Variants in DNPEP observed in about 807,000 individuals in gnomAD.
The protein encoded by DNPEP is aspartyl aminopeptidase.
A neutral mutation model predicts 59.1 loss-of-function variants in DNPEP; 46 were observed. That is an observed-to-expected ratio of 0.78 (90% CI 0.61 to 0.99). The LOEUF is 0.99. Among genes scored for constraint, DNPEP ranks in the 50% least tolerant of loss-of-function variants. The pLI, the probability that DNPEP is intolerant of heterozygous loss-of-function variation, is 0.00. For missense variants in DNPEP, 617 were observed against 649.9 expected (o/e 0.95, Z 0.55); for synonymous variants, 229 against 242.2 (o/e 0.95, Z 0.50).
intron 14 of DNPEP, 87 bp downstream of exon 14, chr2:219,374,768 T>C: frequency 6.8e-7 from 1 of 1,474,582 alleles, no homozygotes; most frequent in Non-Finnish European, 9.3e-7. Flanking sequence ...CCAGTCACTT[T>C]GTGATGGCGA....
chr2:219,387,265 C>T, intron 1 of DNPEP, 102 bp from the exon 2 acceptor site: 3 of 1,492,252 alleles, frequency 2.0e-6, no homozygotes, highest in Non-Finnish European at 2.7e-6. Flanking sequence ...AGTGACCACT[C>T]TAAGGCACAG....
rs555789796 is a variant in DNPEP at position 219,385,882 on chromosome 2, T to C, written c.590+86A>G. Reference sequence around the variant, plus strand: ...AATTAACTGGGTCCCAAGAGTAAAATGTGACCTAATGGCTACCATTAGGTA... The same window carrying C: ...AATTAACTGGGTCCCAAGAGTAAAACGTGACCTAATGGCTACCATTAGGTA... On this transcript the variant is annotated intron_variant, in intron 6 of 14. Transcript: ENST00000273075. 27 of 1,557,974 alleles carry C rather than the reference T, an allele frequency of 1.7e-5. No homozygotes were observed. The South Asian group carries it at 2.5e-4, about 14-fold the overall frequency.
chr2:219,384,104 C>G (rs549393948), intron 9 of DNPEP, among the ~76,000 whole-genome samples: 1 of 152,352 alleles, frequency 6.6e-6, no homozygotes, highest in South Asian at 2.1e-4. Flanking sequence ...AAGGCTAGGA[C>G]AAGAGACCAT....
At chr2:219,394,469 G>A (rs537585908) in intron 1 of DNPEP, among the ~76,000 whole-genome samples, 1 of 152,152 alleles carries the variant, frequency 6.6e-6, no homozygotes, top group South Asian at 2.1e-4. Context: ...TAGAGATGAG[G>A]TCTCACTTTG....
In DNPEP at chr2:219,374,888, G is replaced by A; in HGVS notation, c.1374C>T (p.Thr458=). ...GGGTGAGGGTCTGGAGGACTCCTGTGGTGCAGGCCATCTCCCGGATAGAGT... is the reference window on the plus strand; with the variant it reads ...GGGTGAGGGTCTGGAGGACTCCTGTAGTGCAGGCCATCTCCCGGATAGAGT... The part of the protein sequence containing the change: ...AMHSIREMAC[T]TGVLQTLTLF... The change falls in exon 14 of 15, where the codon ACC becomes ACT. Residue 458 remains threonine (T), a synonymous_variant. Coordinates refer to ENST00000273075, the MANE Select transcript of DNPEP (RefSeq NM_012100.4). 1 of 1,614,230 alleles carries A rather than the reference G, an allele frequency of 6.2e-7. No homozygotes were observed. The highest frequency in any genetic ancestry group is 1.1e-5 in the South Asian group (1 of 91,084).
In DNPEP at chr2:219,372,389, G is replaced by A. The variant is rs929876277; in HGVS notation, c.*1903C>T. Reference sequence around the variant, plus strand: ...TATATAATAATTTTTTTTTTGAGACGGAGTCTGGCTCTGTCGCCCAGGCTG... The same window carrying A: ...TATATAATAATTTTTTTTTTGAGACAGAGTCTGGCTCTGTCGCCCAGGCTG... On this transcript the variant is annotated 3_prime_UTR_variant, in exon 15 of 15. Coordinates refer to ENST00000273075, the MANE Select transcript of DNPEP (RefSeq NM_012100.4). Among the ~76,000 whole-genome samples the A allele has an allele frequency of 2.0e-5, 3 of 151,290 alleles. No individual in the cohort carries two copies. Among genetic ancestry groups the A allele is most frequent in the Non-Finnish European group, 4.4e-5 (3 of 67,898 alleles).
chr2:219,391,597 C>T (rs1167872454), upstream of DNPEP, among the ~76,000 whole-genome samples: 2 of 151,860 alleles, frequency 1.3e-5, no homozygotes, highest in African/African-American at 2.4e-5. Flanking sequence ...CTGTGTTTAA[C>T]AACAAGCTCA....
intron 10 of DNPEP, 123 bp downstream of exon 10, chr2:219,383,008 C>T (rs1047801089): frequency 4.2e-6 from 3 of 721,712 alleles, no homozygotes; most frequent in East Asian, 2.7e-5. Flanking sequence ...TAAGGAGGCA[C>T]AGGCAGCATC....
chr2:219,387,074 G>T lies in DNPEP; in HGVS notation c.126C>A (p.Phe42Leu). 1.2e-6 allele frequency: 2 copies of T among 1,604,408 alleles called. No homozygotes were observed. Among genetic ancestry groups the T allele is most frequent in the Non-Finnish European group, 1.7e-6 (2 of 1,174,892 alleles). Residue 42 changes from phenylalanine (F) to leucine (L), a missense_variant, in exon 2 of 15, where the codon TTC becomes TTA. Physicochemically the swap from Phe to Leu is conservative, Grantham distance 22. Transcript: ENST00000273075. ...LKFVNRSPSP[F>L]HAVAECRNRL... ...CTTGCCCTGGCCACCGCTTACCATG[G>T]AAAGGAGAGGGACTCCGGTTCACGA... is the stretch of plus-strand genomic sequence containing the variant.
chr2:219,393,490 G>C (rs1479150682), upstream of DNPEP: 1 of 152,254 alleles, frequency 6.6e-6, no homozygotes, highest in African/African-American at 2.4e-5. Context: ...ATGTTGGCCA[G>C]GCTGGTCTCG....
At chr2:219,393,990 C>T (rs140772961) in intron 1 of DNPEP, among the ~76,000 whole-genome samples, 4 of 152,130 alleles carry the variant, frequency 2.6e-5, no homozygotes, top group Non-Finnish European at 4.4e-5. Context: ...ACAGTTCTGG[C>T]GGGTCAAGCT....
intron 9 of DNPEP, 121 bp from the exon 10 acceptor site, chr2:219,383,335 C>G (rs1953678408): frequency 1.3e-6 from 1 of 764,354 alleles, no homozygotes; most frequent in African/African-American, 1.7e-5. Flanking sequence ...GCACATTCCC[C>G]TGTCTGCCTT....
chr2:219,374,432 C>T, intron 14 of DNPEP, 90 bp from the exon 15 acceptor site: 1 of 1,224,164 alleles, frequency 8.2e-7, no homozygotes. Flanking sequence ...TATGTTCCAG[C>T]AAGAGAAGCA....
At chr2:219,377,138 G>T (rs1020850778) in intron 13 of DNPEP, among the ~76,000 whole-genome samples, 4 of 151,752 alleles carry the variant, frequency 2.6e-5, no homozygotes, top group Non-Finnish European at 5.9e-5. Context: ...GCTGGGCATC[G>T]TGGTGCACAC....
intron 13 of DNPEP, among the ~76,000 whole-genome samples, chr2:219,377,367 G>C (rs563790790): frequency 6.9e-6 from 1 of 145,246 alleles, no homozygotes; most frequent in Non-Finnish European, 1.5e-5. Flanking sequence ...GGGGCTTACA[G>C]ACAAGCTAAA....
intron 1 of DNPEP, among the ~76,000 whole-genome samples, chr2:219,395,368 A>G (rs533654396): frequency 9.7e-4 from 147 of 151,946 alleles, no homozygotes; most frequent in Admixed American, 1.8e-3. Context: ...CTCCCTAACA[A>G]CCTCTACCTG....
upstream of DNPEP, chr2:219,388,000 C>T (rs1467184164): frequency 3.7e-5 from 46 of 1,236,860 alleles, no homozygotes; most frequent in Non-Finnish European, 4.3e-5. Context: ...TCGGTCAGCC[C>T]CGCCCCTCGG....
intron 1 of DNPEP, among the ~76,000 whole-genome samples, chr2:219,397,659 TA>T (rs1954121047): frequency 6.6e-6 from 1 of 152,160 alleles, no homozygotes; most frequent in African/African-American, 2.4e-5. Context: ...GGGCTGGGGG[TA>T]TGTAAATTTG....
intron 13 of DNPEP, among the ~76,000 whole-genome samples, chr2:219,380,292 T>C (rs978614661): frequency 3.3e-5 from 5 of 149,946 alleles, no homozygotes; most frequent in African/African-American, 1.2e-4. Flanking sequence ...CTCGGCTCAC[T>C]GCAACGTCCA....
Sources: allele counts gnomAD v4.1 joint callset (sites outside exome capture counted in the v4.1 genomes callset), GRCh38; gene constraint gnomAD v4.1.1; transcripts MANE v1.5; gene names NCBI Gene and HGNC (gene_info 2026-07-23, HGNC 2026-07-21).